The following UBASH3B variants were observed in gnomAD, a reference collection of about 807,000 sequenced individuals.
UBASH3B encodes the protein ubiquitin associated and SH3 domain containing B, also known as ubiquitin-associated and SH3 domain-containing protein B.
In UBASH3B, 37 loss-of-function variants were observed where a neutral mutation model predicts 83.4. The ratio of observed to expected loss-of-function variants is 0.44; its 90% confidence interval spans 0.34 to 0.58. The LOEUF (loss-of-function observed/expected upper bound fraction) is 0.58. Among genes scored for constraint, UBASH3B ranks in the 20% least tolerant of loss-of-function variants. The probability of loss-of-function intolerance (pLI) is 0.01; values close to 1 mark genes in which losing one functional copy is unlikely to be tolerated. For synonymous variants in UBASH3B, 304 were observed against 318.3 expected, an observed-to-expected ratio of 0.96 and a Z score of 0.48; for missense variants, 657 against 827.2, an observed-to-expected ratio of 0.79 and a Z score of 2.52.
Position 122,712,835 on chromosome 11 carries a change from T to TAGTG in UBASH3B, c.161+56625_161+56626insAGTG, listed in dbSNP as rs1290772532. Among the ~76,000 whole-genome samples, 8 of 150,750 alleles carry TAGTG rather than the reference T, an allele frequency of 5.3e-5. No individual in the cohort carries two copies. The East Asian group carries it at 1.6e-3, about 29-fold the overall frequency. Reference sequence around the variant, plus strand: ...TGAATGAGGAATAGTGGTACAGGGATGTACATCTCTGAGCTGAGCCCCAGG... The same window carrying TAGTG: ...TGAATGAGGAATAGTGGTACAGGGATAGTGGTACATCTCTGAGCTGAGCCCCAGG... On this transcript the variant is annotated intron_variant, in intron 1 of 13. Coordinates refer to ENST00000284273, the MANE Select transcript of UBASH3B (RefSeq NM_032873.5).
intron 3 of UBASH3B, 197 bp from the exon 4 acceptor site, chr11:122,779,300 T>G: frequency 1.6e-6 from 1 of 636,054 alleles, no homozygotes; most frequent in Non-Finnish European, 2.8e-6. Context: ...GTTCCCCACA[T>G]TAATCCACCA....
intron 1 of UBASH3B, among the ~76,000 whole-genome samples, chr11:122,747,996 T>C (rs994133442): frequency 7.9e-5 from 12 of 152,222 alleles, no homozygotes; most frequent in African/African-American, 2.9e-4. Context: ...TTACACATGA[T>C]AAGCTTGTAA....
At chr11:122,779,803 A>G in intron 4 of UBASH3B, 108 bp downstream of exon 4, 1 of 1,294,228 alleles carries the variant, frequency 7.7e-7, no homozygotes, top group Non-Finnish European at 1.1e-6. Context: ...CAGGAGGTGG[A>G]GGACCCTGCA....
At chr11:122,793,746 C>T (rs888947452) in intron 6 of UBASH3B, among the ~76,000 whole-genome samples, 1 of 152,224 alleles carries the variant, frequency 6.6e-6, no homozygotes, top group African/African-American at 2.4e-5. Context: ...TATAGTGTTA[C>T]ACTCAGAAAT....
chr11:122,789,237 C>T lies in UBASH3B; in HGVS notation c.909C>T (p.Thr303=), dbSNP rs766919387. 12 of 1,614,090 alleles carry T rather than the reference C, an allele frequency of 7.4e-6. No individual in the cohort carries two copies. Among genetic ancestry groups the T allele is most frequent in the South Asian group, 2.2e-5 (2 of 91,094 alleles). ...EGWIYGTSLT[T]GCSGLLPENY... ...GGATCTATGGCACGTCCTTAACCACCGGCTGCTCTGGACTCCTGCCTGAGA... is the reference window on the plus strand; with the variant it reads ...GGATCTATGGCACGTCCTTAACCACTGGCTGCTCTGGACTCCTGCCTGAGA... The change falls in exon 6 of 14, where the codon ACC becomes ACT. Residue 303 remains threonine, a synonymous_variant. Coordinates refer to ENST00000284273, the MANE Select transcript of UBASH3B (RefSeq NM_032873.5).
intron 4 of UBASH3B, 53 bp from the exon 5 acceptor site, chr11:122,783,000 C>CT: frequency 6.4e-7 from 1 of 1,572,634 alleles, no homozygotes. Context: ...AAGTCTTCAC[C>CT]ATTGCTATCA....
intron 1 of UBASH3B, among the ~76,000 whole-genome samples, chr11:122,769,742 A>C (rs1264406594): frequency 6.6e-6 from 1 of 152,248 alleles, no homozygotes; most frequent in African/African-American, 2.4e-5. Flanking sequence ...TGTGGCAACA[A>C]TGACCACTGT....
At chr11:122,687,042 A>G (rs11218755) in intron 1 of UBASH3B, among the ~76,000 whole-genome samples, 39,840 of 151,558 alleles carry the variant, frequency 0.26, 6,162 homozygotes, top group Non-Finnish European at 0.36. Context: ...TAATTTTTGT[A>G]TTTTTAGTAG....
intron 13 of UBASH3B, among the ~76,000 whole-genome samples, chr11:122,808,672 C>T (rs1431351237): frequency 6.6e-6 from 1 of 152,224 alleles, no homozygotes; most frequent in African/African-American, 2.4e-5. Context: ...GTCTTCCTTT[C>T]TGTGCCTGTG....
intron 1 of UBASH3B, among the ~76,000 whole-genome samples, chr11:122,715,311 T>C (rs1426974107): frequency 1.3e-5 from 2 of 152,236 alleles, no homozygotes; most frequent in Non-Finnish European, 2.9e-5. Flanking sequence ...CATGTCTTAT[T>C]ATTGATTGGC....
chr11:122,806,262 C>CT lies in UBASH3B; in HGVS notation c.1596-147dup. ...GTTCATATAGTAGAAATGCTGTTCC[C>CT]TATACCTTTCTCCTTTCTAGGGAAA... On this transcript the variant is annotated intron_variant, in intron 11 of 13. Coordinates refer to ENST00000284273, the MANE Select transcript of UBASH3B (RefSeq NM_032873.5). This position sits in a 1 kb window ranked among gnomAD's most constrained non-coding sequence, Gnocchi z 4.0. 1 of 654,800 alleles carries CT rather than the reference C, an allele frequency of 1.5e-6. No homozygotes were observed. Among genetic ancestry groups the CT allele is most frequent in the Non-Finnish European group, 2.6e-6 (1 of 386,930 alleles). The allele number at this position is 654,800 out of a possible 1,614,324, so 40.6% of individuals were successfully genotyped here. A position where few individuals can be genotyped will look rare whatever the true frequency, so the allele number is the denominator to read the frequency against.
At chr11:122,722,830 C>T (rs377570106) in intron 1 of UBASH3B, among the ~76,000 whole-genome samples, 32 of 152,100 alleles carry the variant, frequency 2.1e-4, no homozygotes, top group Middle Eastern at 3.4e-3. Context: ...CTCAGACTCC[C>T]GAGTAGCTGG....
rs1412835422 is a variant in UBASH3B, at chr11:122,687,946, A to C, written c.161+31736A>C. 7.9e-5 allele frequency among the ~76,000 whole-genome samples: 12 copies of C among 151,974 alleles called. No individual in the cohort carries two copies. In the East Asian group the frequency reaches 2.3e-3, roughly 30 times the overall value. On this transcript the variant is annotated intron_variant, in intron 1 of 13. Transcript: ENST00000284273. ...GTTGAGCAGAGATAGATTATACATAAATTTTGTTTTCTTTTATTAAGTGGT... is the reference window on the plus strand; with the variant it reads ...GTTGAGCAGAGATAGATTATACATACATTTTGTTTTCTTTTATTAAGTGGT...
At chr11:122,691,810 C>A (rs1863900697) in intron 1 of UBASH3B, among the ~76,000 whole-genome samples, 1 of 152,086 alleles carries the variant, frequency 6.6e-6, no homozygotes, top group Non-Finnish European at 1.5e-5. Context: ...GAGCAAAAGG[C>A]TGTGATGGCC....
chr11:122,788,124 G>A (rs114842852), intron 5 of UBASH3B, among the ~76,000 whole-genome samples: 2,423 of 152,278 alleles, frequency 0.016, 66 homozygotes, highest in African/African-American at 0.055. Flanking sequence ...GGGCTGTTTC[G>A]GAGCCCAAAG....
intron 1 of UBASH3B, among the ~76,000 whole-genome samples, chr11:122,658,073 G>A (rs1465446096): frequency 1.3e-5 from 2 of 151,918 alleles, no homozygotes; most frequent in South Asian, 2.1e-4. Flanking sequence ...CTACTTGGGA[G>A]GCTGAGATAA....
intron 1 of UBASH3B, among the ~76,000 whole-genome samples, chr11:122,674,202 A>G (rs2135902563): frequency 6.6e-6 from 1 of 152,348 alleles, no homozygotes; most frequent in East Asian, 1.9e-4. Context: ...AAACGGTGCT[A>G]TGGAATCATG....
At chr11:122,711,911 T>C (rs1186317702) in intron 1 of UBASH3B, among the ~76,000 whole-genome samples, 1 of 152,098 alleles carries the variant, frequency 6.6e-6, no homozygotes, top group Non-Finnish European at 1.5e-5. Flanking sequence ...TCCAGCCAAG[T>C]TCTCTACACA....
chr11:122,733,697 A>T (rs79820788), intron 1 of UBASH3B, among the ~76,000 whole-genome samples: 156 of 152,356 alleles, frequency 1.0e-3, no homozygotes, highest in African/African-American at 3.6e-3. Context: ...TCAACAGATT[A>T]TTATTGTAAT....
Sources: gnomAD v4.1 joint callset for allele counts (sites outside exome capture counted in the v4.1 genomes callset) on GRCh38, gnomAD v4.1.1 for gene constraint, Gnocchi (gnomAD v3.1) non-coding constraint, MANE v1.5 for transcripts, NCBI Gene and HGNC (gene_info 2026-07-23, HGNC 2026-07-21) for gene names.